The following MAP4K4 variants were observed in gnomAD, a reference collection of about 807,000 sequenced individuals.
MAP4K4 encodes mitogen-activated protein kinase kinase kinase kinase 4, also known as HPK/GCK-like kinase HGK.
Under a neutral mutation model 189.6 loss-of-function variants are expected in MAP4K4, and 38 were observed. The observed-to-expected ratio is 0.20, with a 90% confidence interval of 0.15 to 0.26. The LOEUF is 0.26. Ranked by LOEUF, MAP4K4 falls within the 10% of genes least tolerant of loss-of-function variation. The pLI is 1.00. For missense variants in MAP4K4, 1,054 were observed against 1,726.9 expected (o/e 0.61, Z 6.91); for synonymous variants, 610 against 624.3 (o/e 0.98, Z 0.34).
At chr2:101,713,893 CA>C (rs34414377) in intron 2 of MAP4K4, among the ~76,000 whole-genome samples, 18 of 149,874 alleles carry the variant, frequency 1.2e-4, no homozygotes, top group South Asian at 8.4e-4. Flanking sequence ...GACTCCATCT[CA>C]AAAAAAAAAT....
chr2:101,835,879 A>T (rs774106019), intron 8 of MAP4K4, 21 bp from the exon 9 acceptor site: 2 of 1,554,244 alleles, frequency 1.3e-6, no homozygotes, highest in South Asian at 2.2e-5. Context: ...CCATACTGAC[A>T]CGACCGTCTC....
At chr2:101,835,550 T>C (rs905227863) in intron 8 of MAP4K4, among the ~76,000 whole-genome samples, 5 of 152,236 alleles carry the variant, frequency 3.3e-5, no homozygotes, top group African/African-American at 1.2e-4. Flanking sequence ...CCATATCTTA[T>C]TTAATCTTGA....
At chr2:101,748,164 C>G (rs2066621874) in intron 2 of MAP4K4, among the ~76,000 whole-genome samples, 1 of 152,132 alleles carries the variant, frequency 6.6e-6, no homozygotes, top group Non-Finnish European at 1.5e-5. Flanking sequence ...TGTTGGCTGG[C>G]TCTGTTTGTA....
intron 20 of MAP4K4, 32 bp downstream of exon 20, chr2:101,867,341 T>G (rs1179378236): frequency 6.6e-7 from 1 of 1,504,398 alleles, no homozygotes; most frequent in Non-Finnish European, 9.1e-7. Flanking sequence ...TTTTACTTAT[T>G]TCAGACTTGA....
At chr2:101,884,495 C>G (rs758843143) in intron 28 of MAP4K4, among the ~76,000 whole-genome samples, 1 of 152,092 alleles carries the variant, frequency 6.6e-6, no homozygotes, top group Non-Finnish European at 1.5e-5. Flanking sequence ...TGCTCATGCA[C>G]AAAGAAGAAA....
At chr2:101,811,510 C>T (rs755243674) in intron 3 of MAP4K4, among the ~76,000 whole-genome samples, 2 of 151,824 alleles carry the variant, frequency 1.3e-5, no homozygotes, top group African/African-American at 2.4e-5. Context: ...GTTGGCTGCT[C>T]CTTGACAGCT....
At chr2:101,711,271 G>A (rs1000928386) in intron 2 of MAP4K4, among the ~76,000 whole-genome samples, 1 of 151,982 alleles carries the variant, frequency 6.6e-6, no homozygotes, top group Non-Finnish European at 1.5e-5. Flanking sequence ...CTGTAGTTCC[G>A]GTTATATAAC....
intron 20 of MAP4K4, chr2:101,867,694 A>G: frequency 5.2e-6 from 2 of 387,976 alleles, no homozygotes; most frequent in Middle Eastern, 6.8e-4. Context: ...ACCTTTACTT[A>G]TTCTTCGTGA....
intron 26 of MAP4K4, among the ~76,000 whole-genome samples, chr2:101,875,522 A>T (rs916836899): frequency 6.6e-6 from 1 of 152,174 alleles, no homozygotes; most frequent in Non-Finnish European, 1.5e-5. Flanking sequence ...TGTTCTCTCA[A>T]TGCCGTCACA....
In MAP4K4 at chr2:101,824,115, C is replaced by T. The variant is rs188260329; in HGVS notation, c.306+62C>T. The stretch of plus-strand genomic sequence containing the variant: ...ATTTGCTTGAATTGTAAGGGCATGG[C>T]GGGGGTGGGGGCGGGGGAAAGAGGG... On this transcript the variant is annotated intron_variant, in intron 4 of 32. Coordinates refer to ENST00000324219, the Ensembl canonical transcript of MAP4K4. 0.018 allele frequency: 744 copies of T among 40,838 alleles called. 7 individuals carry two copies. The highest frequency in any genetic ancestry group is 0.095 in the East Asian group (338 of 3,540). 2.5% of individuals were successfully genotyped at this position (40,838 alleles called of 1,614,324 possible).
intron 3 of MAP4K4, among the ~76,000 whole-genome samples, chr2:101,820,643 T>C (rs1023180207): frequency 2.0e-5 from 3 of 152,196 alleles, no homozygotes; most frequent in Non-Finnish European, 4.4e-5. Flanking sequence ...GCCTTTTCAA[T>C]GGGGCCTGTT....
chr2:101,887,017 T>G, intron 29 of MAP4K4, 71 bp from the exon 30 acceptor site: 3 of 1,123,222 alleles, frequency 2.7e-6, no homozygotes, highest in Non-Finnish European at 3.6e-6. Flanking sequence ...AGAGCGAGAC[T>G]CCGTCTCAAA....
rs138613600 is a variant in MAP4K4, at chr2:101,794,229, A to G, written c.180+3453A>G. ...AATAATGACAGAGGATTTGCAGAAA[A>G]ATGTATAGGGAGGTCTCATGTACCG... On this transcript the variant is annotated intron_variant, in intron 3 of 32. Transcript: ENST00000324219. Among the ~76,000 whole-genome samples, 718 of 152,284 alleles carry G rather than the reference A, an allele frequency of 4.7e-3. 6 individuals are homozygous for G. Among genetic ancestry groups the G allele is most frequent in the African/African-American group, 0.017 (690 of 41,558 alleles).
chr2:101,717,461 C>G (rs1296906307), intron 2 of MAP4K4, among the ~76,000 whole-genome samples: 1 of 152,170 alleles, frequency 6.6e-6, no homozygotes, highest in African/African-American at 2.4e-5. Flanking sequence ...GTTTAAGTGC[C>G]TAAGTTTAAG....
intron 12 of MAP4K4, among the ~76,000 whole-genome samples, chr2:101,850,637 T>G (rs1383076209): frequency 6.6e-6 from 1 of 152,234 alleles, no homozygotes; most frequent in Non-Finnish European, 1.5e-5. Context: ...GTAATCATAG[T>G]GTCCTGGCAT....
intron 3 of MAP4K4, among the ~76,000 whole-genome samples, chr2:101,803,245 A>ATGTGTGTGTG (rs6146862): frequency 0.12 from 17,716 of 150,120 alleles, 1,262 homozygotes; most frequent in Admixed American, 0.2. Context: ...GATGATGATG[A>ATGTGTGTGTG]TGTGTGTGTG....
intron 1 of MAP4K4, 77 bp from the exon 2 acceptor site, chr2:101,698,396 T>C: frequency 7.4e-7 from 1 of 1,342,616 alleles, no homozygotes; most frequent in Non-Finnish European, 1.1e-6. Context: ...CCGCCTTTTC[T>C]CTCCAACTGC....
rs1256001407 is a variant in MAP4K4 at position 101,760,534 on chromosome 2, G to GTATATA, written c.124-30185_124-30184insATATAT. On this transcript the variant is annotated intron_variant, in intron 2 of 32. Transcript: ENST00000324219. ...TATATATATATATATGTATATATGT[G>GTATATA]TGTGTGTGTGTGTGTGTGTGTGTGT... is the stretch of plus-strand genomic sequence containing the variant. Among the ~76,000 whole-genome samples, 894 of 124,524 alleles carry GTATATA rather than the reference G, an allele frequency of 7.2e-3. 14 individuals are homozygous for GTATATA. Among genetic ancestry groups the GTATATA allele is most frequent in the African/African-American group, 0.034 (825 of 23,996 alleles). The allele number at this position is 124,524 out of a possible 152,430, so 81.7% of individuals were successfully genotyped here.
chr2:101,829,727 G>A (rs2096533160), intron 6 of MAP4K4, 133 bp downstream of exon 6: 2 of 653,906 alleles, frequency 3.1e-6, no homozygotes, highest in Admixed American at 4.7e-5. Context: ...TTAAGAATGT[G>A]GGAACTGAGC....
Sources: gnomAD v4.1 joint callset for allele counts (sites outside exome capture counted in the v4.1 genomes callset) on GRCh38, gnomAD v4.1.1 for gene constraint, MANE v1.5 for transcripts, NCBI Gene and HGNC (gene_info 2026-07-23, HGNC 2026-07-21) for gene names.